SHISA9: variants seen among roughly 807,000 people sequenced by gnomAD.
SHISA9 encodes protein shisa-9.
SHISA9 carries 13 observed loss-of-function variants against 38.0 expected under a neutral mutation model. The observed-to-expected ratio is 0.34, with a 90% confidence interval of 0.22 to 0.54. The LOEUF is 0.54. Ranked by LOEUF, SHISA9 falls within the 20% of genes least tolerant of loss-of-function variation. The pLI is 0.91. For synonymous variants in SHISA9, 275 were observed against 242.0 expected, an observed-to-expected ratio of 1.14 and a Z score of -1.27; for missense variants, 538 against 575.8, an observed-to-expected ratio of 0.93 and a Z score of 0.67.
chr16:13,283,309 T>A, the SHISA9 span, among the ~76,000 whole-genome samples: 1 of 152,170 alleles, frequency 6.6e-6, no homozygotes, highest in East Asian at 1.9e-4. Flanking sequence ...ATTTGGGTTT[T>A]CTTTTAGGCT....
the SHISA9 span, among the ~76,000 whole-genome samples, chr16:13,483,666 A>AC: frequency 6.6e-6 from 1 of 151,706 alleles, no homozygotes; most frequent in Admixed American, 6.6e-5. Flanking sequence ...GGGTCTTAAG[A>AC]CCACCCATCC....
the SHISA9 span, among the ~76,000 whole-genome samples, chr16:13,555,816 G>A: frequency 6.6e-6 from 1 of 152,132 alleles, no homozygotes; most frequent in African/African-American, 2.4e-5. Context: ...GTATTTACAG[G>A]TAAAATAACT....
At chr16:13,039,514 T>G (rs1328737140) in intron 2 of SHISA9, among the ~76,000 whole-genome samples, 3 of 144,884 alleles carry the variant, frequency 2.1e-5, no homozygotes, top group African/African-American at 7.7e-5. Flanking sequence ...TTGAAACTTA[T>G]AGAGGAGGCT....
At chr16:13,051,874 C>T (rs938218850) in intron 2 of SHISA9, among the ~76,000 whole-genome samples, 3 of 152,010 alleles carry the variant, frequency 2.0e-5, no homozygotes, top group African/African-American at 4.8e-5. Flanking sequence ...AAACAATTCT[C>T]CTGCCTCAGT....
chr16:12,907,252 T>C (rs1440346014), intron 1 of SHISA9, among the ~76,000 whole-genome samples: 4 of 134,410 alleles, frequency 3.0e-5, no homozygotes, highest in African/African-American at 1.1e-4. Flanking sequence ...CTTCCCTTCC[T>C]ACCCTTCTTC....
chr16:12,930,021 A>G (rs1205410992), intron 2 of SHISA9, among the ~76,000 whole-genome samples: 1 of 152,078 alleles, frequency 6.6e-6, no homozygotes, highest in Non-Finnish European at 1.5e-5. Context: ...ATCCTTCTCT[A>G]TTAGGTCACT....
chr16:13,126,706 G>A (rs762504075), intron 2 of SHISA9, among the ~76,000 whole-genome samples: 1 of 147,808 alleles, frequency 6.8e-6, no homozygotes, highest in Non-Finnish European at 1.5e-5. Context: ...AAAGTGGGAG[G>A]GAGAGAGAGA....
At position 13,235,093 on chromosome 16, in the gene SHISA9, G is replaced by T. The variant is rs1406406647; in HGVS notation, c.959G>T (p.Gly320Val). The change falls in exon 5 of 5, where the codon GGG (glycine) becomes GTG (valine). Residue 320 changes from glycine to valine, a missense_variant. Physicochemically the swap from Gly to Val is moderately radical, Grantham distance 109. This residue lies in a region of SHISA9 where 326 missense variants were observed against 305.9 expected (regional missense o/e 1.07). Coordinates refer to ENST00000558583, the MANE Select transcript of SHISA9 (RefSeq NM_001145204.3). ...RRHLAELAAK[G>V]NLPLHPVRVE... ...CACCTGGCTGAGCTGGCTGCCAAGG[G>T]GAACTTACCTCTGCACCCCGTAAGA... 1 of 1,551,544 alleles carries T rather than the reference G, an allele frequency of 6.4e-7. No homozygotes were observed.
At chr16:13,120,937 T>A (rs2050203645) in intron 2 of SHISA9, among the ~76,000 whole-genome samples, 1 of 152,138 alleles carries the variant, frequency 6.6e-6, no homozygotes, top group Non-Finnish European at 1.5e-5. Flanking sequence ...GAGAGAGCTG[T>A]GATTCTGTTC....
At position 13,171,435 on chromosome 16, in the gene SHISA9, G is replaced by A. The variant is rs563226723; in HGVS notation, c.692-31959G>A. 2.6e-5 allele frequency among the ~76,000 whole-genome samples: 4 copies of A among 151,558 alleles called. No individual in the cohort carries two copies. The South Asian group carries it at 6.3e-4, about 24-fold the overall frequency. On this transcript the variant is annotated intron_variant, in intron 2 of 4. Coordinates refer to ENST00000558583, the MANE Select transcript of SHISA9 (RefSeq NM_001145204.3). ...AATGGGGTAGATGTCATGGAGGAGG[G>A]ACTTGTGCAGTGCTGGGAGAGTGAA... is the stretch of plus-strand genomic sequence containing the variant.
At chr16:13,024,115 C>T (rs2072891652) in intron 2 of SHISA9, among the ~76,000 whole-genome samples, 1 of 152,200 alleles carries the variant, frequency 6.6e-6, no homozygotes, top group African/African-American at 2.4e-5. Context: ...TGGTTATCTC[C>T]ATTTTAAAGG....
chr16:13,366,221 C>G, the SHISA9 span, among the ~76,000 whole-genome samples: 1 of 152,202 alleles, frequency 6.6e-6, no homozygotes, highest in Admixed American at 6.5e-5. Context: ...AAAGATCTTG[C>G]AGATTACTCA....
chr16:13,381,029 A>G, the SHISA9 span, among the ~76,000 whole-genome samples: 4 of 152,046 alleles, frequency 2.6e-5, no homozygotes, highest in Admixed American at 1.3e-4. Context: ...ATAGTATTCC[A>G]TGGTGTATAT....
chr16:13,126,521 TGGAG>T (rs1414856919), intron 2 of SHISA9, among the ~76,000 whole-genome samples: 8 of 95,134 alleles, frequency 8.4e-5, no homozygotes, highest in Non-Finnish European at 1.5e-4. Flanking sequence ...GGGAGAGAGA[TGGAG>T]GGAGAGAGGG....
chr16:13,185,770 A>G (rs1245251662), intron 2 of SHISA9, among the ~76,000 whole-genome samples: 1 of 152,194 alleles, frequency 6.6e-6, no homozygotes, highest in African/African-American at 2.4e-5. Flanking sequence ...TGATTATTTG[A>G]TAAGTGAGTT....
intron 2 of SHISA9, among the ~76,000 whole-genome samples, chr16:12,975,959 G>C (rs1266371091): frequency 1.3e-5 from 2 of 151,670 alleles, no homozygotes; most frequent in African/African-American, 4.9e-5. Context: ...CTGATGACCC[G>C]GGGCATCCTG....
intron 2 of SHISA9, among the ~76,000 whole-genome samples, chr16:13,021,527 C>T (rs552829230): frequency 2.0e-5 from 3 of 152,268 alleles, no homozygotes; most frequent in Admixed American, 6.5e-5. Context: ...ACTAGTAAAA[C>T]GTGGCTCAAC....
chr16:13,396,547 G>C, the SHISA9 span, among the ~76,000 whole-genome samples: 1 of 152,178 alleles, frequency 6.6e-6, no homozygotes, highest in Non-Finnish European at 1.5e-5. Context: ...GCATAACCTG[G>C]TTTCTCTCAG....
chr16:13,499,119 C>T, the SHISA9 span, among the ~76,000 whole-genome samples: 1 of 152,298 alleles, frequency 6.6e-6, no homozygotes, highest in East Asian at 1.9e-4. Context: ...TGTTTCCCCA[C>T]CTATGCAGCA....
Sources: allele counts gnomAD v4.1 joint callset (sites outside exome capture counted in the v4.1 genomes callset), GRCh38; gene constraint gnomAD v4.1.1; regional missense constraint gnomAD v4.1.1; transcripts MANE v1.5; gene names NCBI Gene and HGNC (gene_info 2026-07-23, HGNC 2026-07-21).